The following TAPBP variants were observed in gnomAD, a reference collection of about 807,000 sequenced individuals.
TAPBP encodes TAP binding protein, also known as tapasin.
TAPBP carries 38 observed loss-of-function variants against 45.7 expected under a neutral mutation model. That is an observed-to-expected ratio of 0.83 (90% CI 0.64 to 1.09). The LOEUF (loss-of-function observed/expected upper bound fraction) is 1.09, where lower values mean the gene tolerates loss of function less well. TAPBP is among the 50% of genes least tolerant of loss of function. The pLI is 0.00. For synonymous variants in TAPBP, 226 were observed against 254.8 expected, an observed-to-expected ratio of 0.89 and a Z score of 1.08; for missense variants, 513 against 587.3, an observed-to-expected ratio of 0.87 and a Z score of 1.31.
Position 33,313,348 on chromosome 6 carries a change from T to C in TAPBP, c.338A>G (p.Gln113Arg), listed in dbSNP as rs771929536. 9.3e-6 allele frequency: 15 copies of C among 1,613,250 alleles called. No homozygotes were observed. The highest frequency in any genetic ancestry group is 1.3e-5 in the Non-Finnish European group (15 of 1,179,900). ...CCCATCCAGGGCCCGCGGGCAGTTC[T>C]GCGCGGGGGTCAGGCCGCTGGCCCA... Reference protein sequence around the residue: ...AKWASGLTPAQNCPRALDGAW... With the variant: ...AKWASGLTPARNCPRALDGAW... The change falls in exon 3 of 8, where the codon CAG becomes CGG. Residue 113 changes from glutamine to arginine, a missense_variant. By Grantham distance (43) the Gln-to-Arg change is conservative. Coordinates refer to ENST00000434618, the MANE Select transcript of TAPBP (RefSeq NM_003190.5). The surrounding 1 kb of genome is among the most constrained non-coding windows in gnomAD (Gnocchi z 7.2).
Position 33,301,257 on chromosome 6 carries a change from CATAAG to C in TAPBP, c.*498_*502del, listed in dbSNP as rs201201756. ...CCTAGAGCTCCAAGAAGGTGAATGC[CATAAG>C]ATGTGTGTTTTTTAAAAAAGCATTT... On this transcript the variant is annotated 3_prime_UTR_variant, in exon 8 of 8. Coordinates refer to ENST00000434618, the MANE Select transcript of TAPBP (RefSeq NM_003190.5). 0.01 allele frequency: 1,583 copies of C among 155,856 alleles called. 25 individuals are homozygous for C. Among genetic ancestry groups the C allele is most frequent in the African/African-American group, 0.035 (1,449 of 41,490 alleles). The allele number at this position is 155,856 out of a possible 1,614,324, so 9.7% of individuals were successfully genotyped here.
chr6:33,304,510 G>T lies in TAPBP; in HGVS notation c.997C>A (p.Arg333=). The change falls in exon 5 of 8, where the codon CGG becomes AGG. Residue 333 remains arginine, a synonymous_variant. Coordinates refer to ENST00000434618, the MANE Select transcript of TAPBP (RefSeq NM_003190.5). ...TGAGAGCGGCCCCCTGGGCCACCCC[G>T]GAGTTCCCACTCCACCTCCAGGCCC... ...SGGLEVEWEL[R]GGPGGRSQKA... 2 of 1,613,364 alleles carry T rather than the reference G, an allele frequency of 1.2e-6. No homozygotes were observed. The highest frequency in any genetic ancestry group is 4.5e-5 in the East Asian group (2 of 44,854).
At chr6:33,303,883 C>G in intron 7 of TAPBP, 72 bp downstream of exon 7, 1 of 1,613,930 alleles carries the variant, frequency 6.2e-7, no homozygotes, top group African/African-American at 1.3e-5. Context: ...AGCAGCCTCC[C>G]TCCATGGGTT....
chr6:33,302,384 G>A (rs1768651849), intron 7 of TAPBP, among the ~76,000 whole-genome samples: 2 of 152,074 alleles, frequency 1.3e-5, no homozygotes, highest in South Asian at 4.1e-4. Flanking sequence ...GAGTGCAGTG[G>A]TGCGATCTCG....
At position 33,313,362 on chromosome 6, in the gene TAPBP, G is replaced by T. The variant is rs1416391499; in HGVS notation, c.324C>A (p.Gly108=). 1 of 1,613,098 alleles carries T rather than the reference G, an allele frequency of 6.2e-7. No individual in the cohort carries two copies. Among genetic ancestry groups the T allele is most frequent in the East Asian group, 2.2e-5 (1 of 44,870 alleles). Residue 108 remains glycine (G), a synonymous_variant, in exon 3 of 8, where the codon GGC becomes GGA. Transcript: ENST00000434618. This position sits in a 1 kb window ranked among gnomAD's most constrained non-coding sequence, Gnocchi z 7.2. ...PLPASAKWAS[G]LTPAQNCPRA... ...GCGGGCAGTTCTGCGCGGGGGTCAGGCCGCTGGCCCATTTCGCAGAGGCGG... is the reference window on the plus strand; with the variant it reads ...GCGGGCAGTTCTGCGCGGGGGTCAGTCCGCTGGCCCATTTCGCAGAGGCGG...
In TAPBP at chr6:33,313,007, G is replaced by GTT. The variant is rs147616776; in HGVS notation, c.469+208_469+209dup. 344 of 426,724 alleles carry GTT rather than the reference G, an allele frequency of 8.1e-4. No homozygotes were observed. Among genetic ancestry groups the GTT allele is most frequent in the African/African-American group, 2.6e-3 (109 of 42,706 alleles). 26.4% of individuals were successfully genotyped at this position (426,724 alleles called of 1,614,324 possible). On this transcript the variant is annotated intron_variant, in intron 3 of 7. Coordinates refer to ENST00000434618, the MANE Select transcript of TAPBP (RefSeq NM_003190.5). The surrounding 1 kb of genome is among the most constrained non-coding windows in gnomAD (Gnocchi z 7.2). The stretch of plus-strand genomic sequence containing the variant: ...TCCCCCTACCCCCTGCCAAGCTGCA[G>GTT]TTTTTTTTTTGTTTTTTTTTTTTAA...
At chr6:33,307,075 G>A (rs1769022185) in intron 3 of TAPBP, among the ~76,000 whole-genome samples, 1 of 151,858 alleles carries the variant, frequency 6.6e-6, no homozygotes, top group African/African-American at 2.4e-5. Flanking sequence ...ATTACCTGAG[G>A]TCAGGAGTTC....
At position 33,304,146 on chromosome 6, in the gene TAPBP, TGAA is replaced by T; in HGVS notation, c.1279_1281del (p.Phe427del). The T allele has an allele frequency of 4.3e-6, 7 of 1,612,864 alleles. No homozygotes were observed. Among genetic ancestry groups the T allele is most frequent in the African/African-American group, 1.3e-5 (1 of 74,612 alleles). On this transcript the variant is annotated inframe_deletion, in exon 6 of 8. Transcript: ENST00000434618. Reference sequence around the variant, plus strand: ...CACTTACCAGCCCAGCCCAGTGCCTTGAAGAGCCCAAGCAGAAGAAAGGCAGAC... The same window carrying T: ...CACTTACCAGCCCAGCCCAGTGCCTTGAGCCCAAGCAGAAGAAAGGCAGAC...
rs1002641687 is a variant in TAPBP, at chr6:33,312,472, C to T, written c.469+745G>A. Among the ~76,000 whole-genome samples the T allele has an allele frequency of 5.3e-5, 8 of 152,172 alleles. 1 individual carries two copies. The East Asian group carries it at 7.7e-4, about 15-fold the overall frequency. On this transcript the variant is annotated intron_variant, in intron 3 of 7. Transcript: ENST00000434618. The stretch of plus-strand genomic sequence containing the variant: ...CCTCCGCTGCCAGGAGGGAGAGCTC[C>T]CAGATATCCAGGTCAGACTCTCCTC...
rs1278809768 is a variant in TAPBP at position 33,301,477 on chromosome 6, A to C, written c.*283T>G. 1.1e-5 allele frequency: 5 copies of C among 442,772 alleles called. No individual in the cohort carries two copies. Among genetic ancestry groups the C allele is most frequent in the East Asian group, 3.8e-5 (1 of 26,596 alleles). The allele number at this position is 442,772 out of a possible 1,614,324, so 27.4% of individuals were successfully genotyped here. On this transcript the variant is annotated 3_prime_UTR_variant, in exon 8 of 8. Transcript: ENST00000434618. ...TAATCCCAGCTACTCCGGAGGCTGA[A>C]GCCACAGAATTGCTTGAACCCAGGA...
chr6:33,313,730 G>A lies in TAPBP; in HGVS notation c.172C>T (p.Pro58Ser), dbSNP rs376978188. 2.0e-4 allele frequency: 326 copies of A among 1,613,484 alleles called. 2 individuals carry two copies. The South Asian group carries it at 2.4e-3, about 12-fold the overall frequency. The change falls in exon 2 of 8, where the codon CCG becomes TCG. Residue 58 changes from proline (P) to serine (S), a missense_variant. By Grantham distance (74) the Pro-to-Ser change is moderately conservative. Coordinates refer to ENST00000434618, the MANE Select transcript of TAPBP (RefSeq NM_003190.5). This position sits in a 1 kb window ranked among gnomAD's most constrained non-coding sequence, Gnocchi z 7.2. ...AGATAGAGCTCAGGGTCGAGGTCCG[G>A]CCGGGGCGGCGGTTCCCCCGGTCCC... ...RQGPGEPPPR[P>S]DLDPELYLSV...
chr6:33,304,310 G>A lies in TAPBP; in HGVS notation c.1197C>T (p.Thr399=). ...LPASGRSAEV[T]LEVAGLSGPS... ...CCCAGCTCTTACCTGCTACCTCCAGGGTGACCTCAGCGCTGCGCCCCGAGG... is the reference window on the plus strand; with the variant it reads ...CCCAGCTCTTACCTGCTACCTCCAGAGTGACCTCAGCGCTGCGCCCCGAGG... Residue 399 remains threonine (T), a synonymous_variant, in exon 5 of 8, where the codon ACC becomes ACT. Coordinates refer to ENST00000434618, the MANE Select transcript of TAPBP (RefSeq NM_003190.5). 1 of 1,602,966 alleles carries A rather than the reference G, an allele frequency of 6.2e-7. No homozygotes were observed. Among genetic ancestry groups the A allele is most frequent in the Non-Finnish European group, 8.5e-7 (1 of 1,173,392 alleles).
intron 3 of TAPBP, among the ~76,000 whole-genome samples, chr6:33,306,958 A>G (rs1769008206): frequency 6.7e-6 from 1 of 148,344 alleles, no homozygotes; most frequent in Non-Finnish European, 1.5e-5. Context: ...AGCCTGGGCA[A>G]TAAGAGGGAA....
chr6:33,306,598 A>G (rs905010337), intron 3 of TAPBP, among the ~76,000 whole-genome samples: 2 of 152,214 alleles, frequency 1.3e-5, no homozygotes, highest in African/African-American at 4.8e-5. Context: ...TGGTCTCCCT[A>G]TTCTCAGTCT....
Position 33,313,307 on chromosome 6 carries a change from T to C in TAPBP, c.379A>G (p.Ser127Gly), listed in dbSNP as rs371858019. 6.2e-7 allele frequency: 1 copy of C among 1,613,660 alleles called. No homozygotes were observed. Among genetic ancestry groups the C allele is most frequent in the East Asian group, 2.2e-5 (1 of 44,872 alleles). Residue 127 changes from serine (S) to glycine (G), a missense_variant, in exon 3 of 8, where the codon AGC becomes GGC. Physicochemically the swap from Ser to Gly is moderately conservative, Grantham distance 56. Transcript: ENST00000434618. This position sits in a 1 kb window ranked among gnomAD's most constrained non-coding sequence, Gnocchi z 7.2. Reference sequence around the variant, plus strand: ...AGGCTGAGGACTGGGCTGGATATGCTGACCATCAGCCAAGCCCCATCCAGG... The same window carrying C: ...AGGCTGAGGACTGGGCTGGATATGCCGACCATCAGCCAAGCCCCATCCAGG... ...RALDGAWLMV[S>G]ISSPVLSLSS...
At chr6:33,312,951 C>T in intron 3 of TAPBP, 1 of 416,266 alleles carries the variant, frequency 2.4e-6, no homozygotes, top group Non-Finnish European at 4.3e-6. Flanking sequence ...TTCGAAACAC[C>T]AGAAAGTAAC....
At chr6:33,308,887 T>A (rs1769150292) in intron 3 of TAPBP, among the ~76,000 whole-genome samples, 1 of 152,202 alleles carries the variant, frequency 6.6e-6, no homozygotes, top group Non-Finnish European at 1.5e-5. Context: ...CTTTCACTGC[T>A]GTTTCTTCCC....
At chr6:33,309,576 C>A (rs1769196227) in intron 3 of TAPBP, among the ~76,000 whole-genome samples, 1 of 146,380 alleles carries the variant, frequency 6.8e-6, no homozygotes, top group African/African-American at 2.5e-5. Context: ...ATAAACAAGA[C>A]CTAAAGGTTT....
intron 7 of TAPBP, chr6:33,303,632 G>T: frequency 9.4e-7 from 1 of 1,065,018 alleles, no homozygotes; most frequent in South Asian, 1.7e-5. Flanking sequence ...ATATTATTAA[G>T]TTAATTTTAC....
Sources: allele counts gnomAD v4.1 joint callset (sites outside exome capture counted in the v4.1 genomes callset), GRCh38; gene constraint gnomAD v4.1.1; non-coding constraint Gnocchi (gnomAD v3.1); transcripts MANE v1.5; gene names NCBI Gene and HGNC (gene_info 2026-07-23, HGNC 2026-07-21).